OSBPL9: variants seen among roughly 807,000 people sequenced by gnomAD.
OSBPL9 encodes the protein oxysterol-binding protein-related protein 9.
In OSBPL9, 40 loss-of-function variants were observed where a neutral mutation model predicts 106.6. That is an observed-to-expected ratio of 0.38 (90% CI 0.29 to 0.49). The LOEUF (loss-of-function observed/expected upper bound fraction) is 0.49. Ranked by LOEUF, OSBPL9 falls within the 20% of genes least tolerant of loss-of-function variation. The pLI is 0.97. For missense variants in OSBPL9, 609 were observed against 887.2 expected, an observed-to-expected ratio of 0.69 and a Z score of 3.98; for synonymous variants, 269 against 295.4, an observed-to-expected ratio of 0.91 and a Z score of 0.92.
intron 15 of OSBPL9, 119 bp from the exon 16 acceptor site, chr1:51,781,045 C>T: frequency 2.6e-6 from 2 of 760,858 alleles, no homozygotes; most frequent in Middle Eastern, 3.9e-4. Flanking sequence ...TAAGCTAACT[C>T]CTGGTCCTAG....
rs760466331 is a variant in OSBPL9, at chr1:51,784,425, A to G, written c.1689-17A>G. 53 of 1,613,970 alleles carry G rather than the reference A, an allele frequency of 3.3e-5. No homozygotes were observed. In the East Asian group the frequency reaches 1.1e-3, roughly 33 times the overall value. The stretch of plus-strand genomic sequence containing the variant: ...CTCTTAACTGTCAACCTTACCTAAA[A>G]ACTTTTGATTTTGCAGGTCTATCCT... On this transcript the variant is annotated splice_polypyrimidine_tract_variant and intron_variant, in intron 19 of 23. Transcript: ENST00000428468.
intron 1 of OSBPL9, among the ~76,000 whole-genome samples, chr1:51,592,035 A>G (rs577885295): frequency 1.6e-4 from 22 of 138,264 alleles, no homozygotes; most frequent in Admixed American, 1.4e-3. Context: ...TTCTTCACTC[A>G]ACATAATAAT....
intron 3 of OSBPL9, among the ~76,000 whole-genome samples, chr1:51,677,117 C>G (rs1230267748): frequency 6.6e-6 from 1 of 152,130 alleles, no homozygotes; most frequent in Admixed American, 6.5e-5. Context: ...GTGTGGTTCT[C>G]GAATAGAGGG....
intron 8 of OSBPL9, among the ~76,000 whole-genome samples, chr1:51,754,867 A>G (rs1337258037): frequency 6.6e-6 from 1 of 152,118 alleles, no homozygotes; most frequent in Non-Finnish European, 1.5e-5. Flanking sequence ...CAGTGTCACA[A>G]TCATAAATAA....
chr1:51,625,394 A>G (rs1305505202), intron 1 of OSBPL9, among the ~76,000 whole-genome samples: 3 of 152,216 alleles, frequency 2.0e-5, no homozygotes, highest in Non-Finnish European at 2.9e-5. Flanking sequence ...CAAAACTAGA[A>G]CAGTGTACAA....
intron 1 of OSBPL9, among the ~76,000 whole-genome samples, chr1:51,637,346 C>T (rs139188346): frequency 0.011 from 1,639 of 152,156 alleles, 25 homozygotes; most frequent in African/African-American, 0.036. Context: ...CAAAATTAGC[C>T]GGGCTTGGTG....
the OSBPL9 span, among the ~76,000 whole-genome samples, chr1:51,537,725 G>C: frequency 1.3e-5 from 2 of 151,956 alleles, no homozygotes; most frequent in Non-Finnish European, 2.9e-5. Flanking sequence ...ATTCTTTATA[G>C]AGATGGGGTC....
At chr1:51,538,985 C>T in the OSBPL9 span, among the ~76,000 whole-genome samples, 2 of 152,186 alleles carry the variant, frequency 1.3e-5, no homozygotes, top group East Asian at 3.9e-4. Flanking sequence ...ATCCTCTGGA[C>T]TCTTCTTGGC....
intron 2 of OSBPL9, among the ~76,000 whole-genome samples, chr1:51,656,183 G>A (rs1646802370): frequency 1.3e-5 from 2 of 152,106 alleles, no homozygotes; most frequent in Non-Finnish European, 2.9e-5. Flanking sequence ...TCTGACATTG[G>A]GCACATTTCT....
intron 6 of OSBPL9, among the ~76,000 whole-genome samples, 164 bp downstream of exon 6, chr1:51,746,921 T>C (rs1668101093): frequency 6.6e-6 from 1 of 152,214 alleles, no homozygotes. Flanking sequence ...AAATTTCTGT[T>C]ATGGTTTCAT....
At chr1:51,645,466 G>GT (rs916990032) in intron 1 of OSBPL9, among the ~76,000 whole-genome samples, 32 of 150,740 alleles carry the variant, frequency 2.1e-4, no homozygotes, top group African/African-American at 6.8e-4. Flanking sequence ...TCTTGGTAGT[G>GT]TTTTTTGTTT....
chr1:51,587,654 G>T (rs56361350), intron 1 of OSBPL9, among the ~76,000 whole-genome samples: 1 of 152,224 alleles, frequency 6.6e-6, no homozygotes, highest in East Asian at 1.9e-4. Context: ...CAACTTGCTC[G>T]CTCTTCTCAA....
chr1:51,723,126 C>T (rs1662454866), intron 4 of OSBPL9, among the ~76,000 whole-genome samples: 1 of 152,210 alleles, frequency 6.6e-6, no homozygotes, highest in Non-Finnish European at 1.5e-5. Context: ...TGGTTTGTTA[C>T]AATTAATGAA....
At chr1:51,627,111 C>T (rs1644812420) in intron 1 of OSBPL9, among the ~76,000 whole-genome samples, 1 of 152,132 alleles carries the variant, frequency 6.6e-6, no homozygotes, top group South Asian at 2.1e-4. Context: ...CCAAGTGATC[C>T]TACCACCTCA....
chr1:51,748,236 C>G, intron 6 of OSBPL9, 133 bp from the exon 7 acceptor site: 2 of 997,778 alleles, frequency 2.0e-6, no homozygotes, highest in East Asian at 7.0e-5. Flanking sequence ...AAAAGTACTC[C>G]CTTCCCAACT....
chr1:51,733,186 A>G (rs1664850806), intron 4 of OSBPL9, among the ~76,000 whole-genome samples: 1 of 152,212 alleles, frequency 6.6e-6, no homozygotes, highest in African/African-American at 2.4e-5. Flanking sequence ...TTTTAAACAT[A>G]TGTGATTCTT....
intron 4 of OSBPL9, among the ~76,000 whole-genome samples, chr1:51,733,508 G>T (rs952291575): frequency 2.0e-5 from 3 of 152,168 alleles, no homozygotes; most frequent in Non-Finnish European, 2.9e-5. Context: ...GGGTGCGGTG[G>T]CTCACGCTGT....
At chr1:51,613,133 G>T (rs373277208), upstream of OSBPL9, among the ~76,000 whole-genome samples, 8 of 152,346 alleles carry the variant, frequency 5.3e-5, no homozygotes, top group East Asian at 1.2e-3. Flanking sequence ...TGTGTGCCAA[G>T]AACTGGGCTA....
chr1:51,616,538 C>T (rs1347832517), upstream of OSBPL9, among the ~76,000 whole-genome samples: 2 of 152,242 alleles, frequency 1.3e-5, no homozygotes, highest in Non-Finnish European at 2.9e-5. Context: ...TCACTCAGGC[C>T]TTCCCTGTTT....
Sources: gnomAD v4.1 joint callset for allele counts (sites outside exome capture counted in the v4.1 genomes callset) on GRCh38, gnomAD v4.1.1 for gene constraint, MANE v1.5 for transcripts, NCBI Gene and HGNC (gene_info 2026-07-23, HGNC 2026-07-21) for gene names.